The following MAP3K20 variants were observed in gnomAD, a reference collection of about 807,000 sequenced individuals.
The protein encoded by MAP3K20 is HCCS-4.
MAP3K20 carries 40 observed loss-of-function variants against 85.7 expected under a neutral mutation model. The ratio of observed to expected loss-of-function variants is 0.47; its 90% CI spans 0.36 to 0.61. The LOEUF is 0.61. MAP3K20 is among the 20% of genes least tolerant of loss of function. MAP3K20 has a pLI of 0.00. For synonymous variants in MAP3K20, 325 were observed against 327.7 expected (o/e 0.99, Z 0.09); for missense variants, 817 against 961.7 (o/e 0.85, Z 1.99).
chr2:173,140,823 CAT>C (rs1306613004), intron 2 of MAP3K20, among the ~76,000 whole-genome samples: 1 of 137,198 alleles, frequency 7.3e-6, no homozygotes, highest in Non-Finnish European at 1.6e-5. Context: ...CGGAACTAAA[CAT>C]ATACACACAC....
chr2:173,244,116 A>T (rs1684862681), intron 16 of MAP3K20, among the ~76,000 whole-genome samples: 1 of 152,208 alleles, frequency 6.6e-6, no homozygotes, highest in African/African-American at 2.4e-5. Flanking sequence ...TTGTGTCACT[A>T]GCTGGAGACG....
chr2:173,199,734 CAG>C (rs1690980752), intron 8 of MAP3K20, among the ~76,000 whole-genome samples: 1 of 146,578 alleles, frequency 6.8e-6, no homozygotes, highest in Non-Finnish European at 1.5e-5. Context: ...ATGTATAAGA[CAG>C]AATAATTAAT....
chr2:173,135,805 A>G (rs1688783662), intron 2 of MAP3K20, among the ~76,000 whole-genome samples: 1 of 152,208 alleles, frequency 6.6e-6, no homozygotes. Context: ...ACATTTTTTC[A>G]TATGCTTCAA....
chr2:173,183,756 ACTC>A (rs1244580599), intron 4 of MAP3K20, among the ~76,000 whole-genome samples: 1 of 152,096 alleles, frequency 6.6e-6, no homozygotes, highest in Non-Finnish European at 1.5e-5. Flanking sequence ...GGGGCAATTA[ACTC>A]CTCTACATTT....
At chr2:173,255,645 T>A (rs1037313564) in intron 16 of MAP3K20, among the ~76,000 whole-genome samples, 18 of 151,790 alleles carry the variant, frequency 1.2e-4, no homozygotes, top group African/African-American at 4.1e-4. Flanking sequence ...CAGAGGAGGG[T>A]CTGATTTCTA....
At chr2:173,093,812 A>C (rs1455414072) in intron 2 of MAP3K20, among the ~76,000 whole-genome samples, 2 of 152,120 alleles carry the variant, frequency 1.3e-5, no homozygotes, top group Non-Finnish European at 2.9e-5. Flanking sequence ...ATGCAGCCAT[A>C]AAAATGATGA....
chr2:173,085,189 A>G (rs1429209746), intron 1 of MAP3K20, among the ~76,000 whole-genome samples: 1 of 152,122 alleles, frequency 6.6e-6, no homozygotes, highest in African/African-American at 2.4e-5. Context: ...TAATTCTAAA[A>G]CCTTGCTTTT....
chr2:173,241,411 G>A (rs1381541404), intron 16 of MAP3K20, among the ~76,000 whole-genome samples: 1 of 152,054 alleles, frequency 6.6e-6, no homozygotes, highest in Admixed American at 6.5e-5. Flanking sequence ...CTAGGAGTTC[G>A]AGACCAGCCT....
chr2:173,223,393 A>G (rs1473808935), intron 11 of MAP3K20: 2 of 925,576 alleles, frequency 2.2e-6, no homozygotes, highest in Admixed American at 6.2e-5. Context: ...GAAATAATAT[A>G]TGTAAAGCAC....
At chr2:173,086,619 G>GCT (rs1222137001) in intron 1 of MAP3K20, among the ~76,000 whole-genome samples, 1 of 152,218 alleles carries the variant, frequency 6.6e-6, no homozygotes, top group Admixed American at 6.5e-5. Context: ...CAAAATAGCA[G>GCT]TGATTCTGTG....
intron 2 of MAP3K20, among the ~76,000 whole-genome samples, chr2:173,117,645 A>G (rs1201622560): frequency 6.6e-6 from 1 of 152,148 alleles, no homozygotes; most frequent in African/African-American, 2.4e-5. Context: ...ATCAATTAGT[A>G]ATTTTCATGA....
At position 173,221,805 on chromosome 2, in the gene MAP3K20, T is replaced by C. The variant is rs1175020004; in HGVS notation, c.987+4555T>C. The stretch of plus-strand genomic sequence containing the variant: ...GTGATCCTATATACAATATAGGACT[T>C]TTAAAGTTGTGACATTCTGGCTTTT... On this transcript the variant is annotated intron_variant, in intron 11 of 19. Transcript: ENST00000375213. 3.7e-6 allele frequency: 4 copies of C among 1,086,774 alleles called. No homozygotes were observed. The East Asian group carries it at 2.3e-4, about 62-fold the overall frequency. 67.3% of individuals were successfully genotyped at this position (1,086,774 alleles called of 1,614,324 possible). A position where few individuals can be genotyped will look rare whatever the true frequency, so the allele number is the denominator to read the frequency against.
At chr2:173,264,063 C>G (rs541484451) in intron 19 of MAP3K20, among the ~76,000 whole-genome samples, 168 bp downstream of exon 19, 1 of 152,264 alleles carries the variant, frequency 6.6e-6, no homozygotes, top group South Asian at 2.1e-4. Context: ...CAATAATTCC[C>G]CAAGTGTGGC....
At chr2:173,223,312 G>A (rs796571375) in intron 11 of MAP3K20, 38 of 927,302 alleles carry the variant, frequency 4.1e-5, no homozygotes, top group South Asian at 1.5e-4. Context: ...ATCTTTGTGC[G>A]TCTGTTTGCT....
At chr2:173,200,111 C>G (rs181961998) in intron 8 of MAP3K20, among the ~76,000 whole-genome samples, 8 of 152,248 alleles carry the variant, frequency 5.3e-5, no homozygotes, top group Admixed American at 3.9e-4. Context: ...TACATTTTCT[C>G]AACTTTCTAA....
At chr2:173,216,529 A>G (rs779520079) in intron 10 of MAP3K20, among the ~76,000 whole-genome samples, 1 of 151,976 alleles carries the variant, frequency 6.6e-6, no homozygotes, top group Admixed American at 6.6e-5. Flanking sequence ...TTAAAAAACA[A>G]GTTGCCTATG....
chr2:173,111,114 T>C (rs1313875522), intron 2 of MAP3K20, among the ~76,000 whole-genome samples: 1 of 152,200 alleles, frequency 6.6e-6, no homozygotes, highest in African/African-American at 2.4e-5. Flanking sequence ...TTTTTTTGAT[T>C]ATGGCCATTC....
rs1686999932 is a variant in MAP3K20, at chr2:173,081,055, A to G, written c.-35+5053A>G. On this transcript the variant is annotated intron_variant, in intron 1 of 19. Coordinates refer to ENST00000375213, the MANE Select transcript of MAP3K20 (RefSeq NM_016653.3). ...TGTCCGTATAGCCACAGATACCCCA[A>G]TGCAAGCAAGTACTTGCTTTAAAAT... Among the ~76,000 whole-genome samples the G allele has an allele frequency of 3.3e-5, 5 of 152,332 alleles. No homozygotes were observed. In the South Asian group the frequency reaches 1.0e-3, roughly 32 times the overall value.
rs145936143 is a variant in MAP3K20, at chr2:173,218,477, G to C, written c.987+1227G>C. ...TCTGTGAATTTAACTTGGCTTGTGA[G>C]AAAGACGATGAGGGAAGTTTCCTGT... is the stretch of plus-strand genomic sequence containing the variant. On this transcript the variant is annotated intron_variant, in intron 11 of 19. Transcript: ENST00000375213. 1.2e-3 allele frequency among the ~76,000 whole-genome samples: 183 copies of C among 152,336 alleles called. 2 individuals are homozygous for C. The highest frequency in any genetic ancestry group is 4.2e-3 in the African/African-American group (176 of 41,566).
Sources: gnomAD v4.1 joint callset for allele counts (sites outside exome capture counted in the v4.1 genomes callset) on GRCh38, gnomAD v4.1.1 for gene constraint, MANE v1.5 for transcripts, NCBI Gene and HGNC (gene_info 2026-07-23, HGNC 2026-07-21) for gene names.